The following GREB1L variants were observed in gnomAD, a reference collection of about 807,000 sequenced individuals.
The protein encoded by GREB1L is GREB1-like protein.
In GREB1L, 17 loss-of-function variants were observed where a neutral mutation model predicts 200.8. The ratio of observed to expected loss-of-function variants is 0.08; its 90% CI spans 0.06 to 0.13. The LOEUF is 0.13. Among genes scored for constraint, GREB1L ranks in the 10% least tolerant of loss-of-function variants. The pLI is 1.00. For synonymous variants in GREB1L, 789 were observed against 893.0 expected, an observed-to-expected ratio of 0.88 and a Z score of 2.08; for missense variants, 1,657 against 2,367.7, an observed-to-expected ratio of 0.70 and a Z score of 6.23.
chr18:21,446,550 G>A (rs2034231761), intron 11 of GREB1L, among the ~76,000 whole-genome samples: 2 of 152,128 alleles, frequency 1.3e-5, no homozygotes, highest in Admixed American at 1.3e-4. Context: ...AATCAGTTAG[G>A]CCTCTCGATA....
intron 1 of GREB1L, among the ~76,000 whole-genome samples, chr18:21,329,944 T>C (rs2039081846): frequency 7.3e-6 from 1 of 136,642 alleles, no homozygotes; most frequent in African/African-American, 2.6e-5. Context: ...TTGGCACTCC[T>C]CTTTACCCAC....
intron 19 of GREB1L, among the ~76,000 whole-genome samples, chr18:21,491,338 T>C (rs914558042): frequency 6.6e-6 from 1 of 152,138 alleles, no homozygotes; most frequent in Non-Finnish European, 1.5e-5. Flanking sequence ...TGGGCTGCGG[T>C]TTCCCATCTG....
intron 29 of GREB1L, 106 bp downstream of exon 29, chr18:21,515,750 T>C (rs2037394393): frequency 2.5e-6 from 2 of 811,210 alleles, no homozygotes; most frequent in Non-Finnish European, 3.9e-6. Context: ...GTTGAGAAGC[T>C]GACTCTTTAT....
chr18:21,415,680 C>T (rs981088751), intron 7 of GREB1L, among the ~76,000 whole-genome samples: 1 of 152,140 alleles, frequency 6.6e-6, no homozygotes, highest in Non-Finnish European at 1.5e-5. Flanking sequence ...AGTGGCTATT[C>T]CCACCAGCCA....
intron 1 of GREB1L, among the ~76,000 whole-genome samples, chr18:21,329,588 C>T (rs1026850952): frequency 6.6e-6 from 1 of 152,070 alleles, no homozygotes; most frequent in African/African-American, 2.4e-5. Flanking sequence ...AGACCTTTTC[C>T]TGGGTCTTAC....
At chr18:21,316,137 A>G (rs2038865116) in intron 1 of GREB1L, among the ~76,000 whole-genome samples, 1 of 152,144 alleles carries the variant, frequency 6.6e-6, no homozygotes, top group African/African-American at 2.4e-5. Flanking sequence ...CCATCACATG[A>G]TGAGGAAAGG....
chr18:21,433,895 C>T (rs1340357848), intron 7 of GREB1L, among the ~76,000 whole-genome samples: 3 of 152,152 alleles, frequency 2.0e-5, no homozygotes, highest in Non-Finnish European at 4.4e-5. Flanking sequence ...GGGGTCTCTA[C>T]TCATTTAGAA....
At position 21,516,735 on chromosome 18, in the gene GREB1L, T is replaced by C; in HGVS notation, c.5252T>C (p.Ile1751Thr). 6.4e-7 allele frequency: 1 copy of C among 1,551,658 alleles called. No individual in the cohort carries two copies. Among genetic ancestry groups the C allele is most frequent in the Non-Finnish European group, 8.7e-7 (1 of 1,146,962 alleles). Residue 1751 changes from isoleucine (I) to threonine (T), a missense_variant, in exon 30 of 33, where the codon ATC (isoleucine) becomes ACC (threonine). Physicochemically the swap from Ile to Thr is moderately conservative, Grantham distance 89 (BLOSUM62 -1). Around this residue, in one of 9 missense-constraint regions of GREB1L, gnomAD observed 190 missense variants for 230.2 expected, o/e 0.83. Coordinates refer to ENST00000424526, the MANE Select transcript of GREB1L (RefSeq NM_001142966.3). ...HVQVGGQRDFIIKPKIMVSES... is the reference protein window; with the variant it reads ...HVQVGGQRDFTIKPKIMVSES... ...CAGGTTGGAGGGCAAAGGGACTTTA[T>C]CATTAAACCAAAGATCATGGTGAGT...
intron 1 of GREB1L, among the ~76,000 whole-genome samples, chr18:21,292,673 A>G (rs1337119802): frequency 1.3e-5 from 2 of 152,216 alleles, no homozygotes; most frequent in Admixed American, 6.5e-5. Context: ...CCATGTAAGC[A>G]TGTATCAGTA....
intron 1 of GREB1L, among the ~76,000 whole-genome samples, chr18:21,245,271 GATGAAAC>G (rs1344219179): frequency 6.6e-6 from 1 of 152,180 alleles, no homozygotes; most frequent in Admixed American, 6.5e-5. Context: ...AAGCACCGCT[GATGAAAC>G]ATATGTAATT....
chr18:21,337,965 C>T (rs1386127697), intron 1 of GREB1L, among the ~76,000 whole-genome samples: 4 of 151,746 alleles, frequency 2.6e-5, no homozygotes, highest in Non-Finnish European at 5.9e-5. Flanking sequence ...GCAGCCTAGG[C>T]GACAGAGCAA....
intron 7 of GREB1L, among the ~76,000 whole-genome samples, chr18:21,428,724 T>TC (rs1258786182): frequency 7.0e-6 from 1 of 142,988 alleles, no homozygotes; most frequent in East Asian, 2.0e-4. Flanking sequence ...TTTTTTTTTT[T>TC]TTTTTTTTTG....
At chr18:21,268,078 C>G (rs75235506) in intron 1 of GREB1L, among the ~76,000 whole-genome samples, 4,058 of 151,998 alleles carry the variant, frequency 0.027, 183 homozygotes, top group African/African-American at 0.093. Flanking sequence ...ATATTGAGAA[C>G]TAGGACTAAA....
chr18:21,396,895 G>A (rs1268573955), intron 5 of GREB1L, among the ~76,000 whole-genome samples: 1 of 152,130 alleles, frequency 6.6e-6, no homozygotes, highest in Non-Finnish European at 1.5e-5. Flanking sequence ...CTCTACTGTT[G>A]TTTTTGTTTC....
intron 12 of GREB1L, among the ~76,000 whole-genome samples, chr18:21,450,344 G>C (rs2034458878): frequency 6.6e-6 from 1 of 152,152 alleles, no homozygotes; most frequent in African/African-American, 2.4e-5. Flanking sequence ...GCACTGTGCA[G>C]ATTTTCTATC....
At chr18:21,341,418 C>G (rs916870313) in intron 1 of GREB1L, among the ~76,000 whole-genome samples, 5 of 152,186 alleles carry the variant, frequency 3.3e-5, no homozygotes, top group African/African-American at 1.2e-4. Context: ...CTGTACTTCC[C>G]TTGTCCTCTG....
In GREB1L at chr18:21,395,576, C is replaced by T. The variant is rs1332090484; in HGVS notation, c.532+15C>T. 3 of 1,519,502 alleles carry T rather than the reference C, an allele frequency of 2.0e-6. No individual in the cohort carries two copies. The highest frequency in any genetic ancestry group is 2.5e-5 in the East Asian group (1 of 40,340). The allele number at this position is 1,519,502 out of a possible 1,614,324, so 94.1% of individuals were successfully genotyped here. ...TGCACTTTTAGGTGAGTGTTTCATG[C>T]TTATAAAATTCCTTCCAATATGAGG... On this transcript the variant is annotated intron_variant, in intron 5 of 32. Transcript: ENST00000424526.
chr18:21,441,385 C>T lies in GREB1L; in HGVS notation c.1070-15C>T. 1.4e-6 allele frequency: 2 copies of T among 1,385,374 alleles called. No individual in the cohort carries two copies. Among genetic ancestry groups the T allele is most frequent in the Non-Finnish European group, 1.9e-6 (2 of 1,037,130 alleles). 85.8% of individuals were successfully genotyped at this position (1,385,374 alleles called of 1,614,324 possible). Reference sequence around the variant, plus strand: ...TTTTCACGCCATCTTTCTTGTCAAACTTTTTTTTTTCCAGAGCCCCTTTTA... The same window carrying T: ...TTTTCACGCCATCTTTCTTGTCAAATTTTTTTTTTTCCAGAGCCCCTTTTA... On this transcript the variant is annotated splice_polypyrimidine_tract_variant and intron_variant, in intron 9 of 32. Coordinates refer to ENST00000424526, the MANE Select transcript of GREB1L (RefSeq NM_001142966.3).
chr18:21,446,951 G>A (rs1289535892), intron 11 of GREB1L, among the ~76,000 whole-genome samples: 1 of 152,156 alleles, frequency 6.6e-6, no homozygotes, highest in Non-Finnish European at 1.5e-5. Context: ...TTCTTGTAAG[G>A]CTCTGAGTCT....
Sources: gnomAD v4.1 joint callset for allele counts (sites outside exome capture counted in the v4.1 genomes callset) on GRCh38, gnomAD v4.1.1 for gene constraint, gnomAD v4.1.1 regional missense constraint, MANE v1.5 for transcripts, NCBI Gene and HGNC (gene_info 2026-07-23, HGNC 2026-07-21) for gene names.